Variants in SBF2 observed in about 807,000 individuals in gnomAD.
The protein encoded by SBF2 is SET binding factor 2, also known as myotubularin-related protein 13.
Under a neutral mutation model 225.2 loss-of-function variants are expected in SBF2, and 112 were observed. The ratio of observed to expected loss-of-function variants is 0.50; its 90% CI spans 0.43 to 0.58. The LOEUF is 0.58. Ranked by LOEUF, SBF2 falls within the 20% of genes least tolerant of loss-of-function variation. The pLI, the probability that SBF2 is intolerant of heterozygous loss-of-function variation, is 0.00. For synonymous variants in SBF2, 763 were observed against 773.3 expected, an observed-to-expected ratio of 0.99 and a Z score of 0.22; for missense variants, 1,996 against 2,206.2, an observed-to-expected ratio of 0.90 and a Z score of 1.91.
At chr11:9,805,106 T>A (rs143762924) in intron 32 of SBF2, among the ~76,000 whole-genome samples, 218 of 152,044 alleles carry the variant, frequency 1.4e-3, no homozygotes, top group African/African-American at 4.8e-3. Flanking sequence ...ATTAACCAGC[T>A]GTGGTGGTGT....
intron 2 of SBF2, among the ~76,000 whole-genome samples, chr11:10,133,257 G>A (rs535564796): frequency 4.6e-5 from 6 of 129,640 alleles, no homozygotes; most frequent in Non-Finnish European, 1.0e-4. Flanking sequence ...TGGATCCCGC[G>A]TAGGGGCTGC....
At chr11:10,244,580 C>G (rs574402886) in intron 1 of SBF2, among the ~76,000 whole-genome samples, 2 of 152,320 alleles carry the variant, frequency 1.3e-5, no homozygotes, top group East Asian at 3.9e-4. Context: ...TTGCTCAAAA[C>G]TGCTTTGGGT....
Position 10,041,912 on chromosome 11 carries a change from AACC to A in SBF2, c.279+929_279+931del, listed in dbSNP as rs1383032595. 1.5e-4 allele frequency among the ~76,000 whole-genome samples: 23 copies of A among 150,774 alleles called. No homozygotes were observed. The East Asian group carries it at 4.2e-3, about 28-fold the overall frequency. On this transcript the variant is annotated intron_variant, in intron 3 of 39. Coordinates refer to ENST00000256190, the MANE Select transcript of SBF2 (RefSeq NM_030962.4). ...TTGTATTATAGAGCCTGGAAAGAAA[AACC>A]ACCACCACCAGCACCAACAAAAAAA... is the stretch of plus-strand genomic sequence containing the variant.
Position 9,812,515 on chromosome 11 carries a change from G to C in SBF2, c.4155+17C>G. On this transcript the variant is annotated intron_variant, in intron 30 of 39. Transcript: ENST00000256190. ...GTTTCTTTGAGTTATAAAGAAAGAA[G>C]CTGCTTCAGACATTACCTGTGGGAA... The C allele has an allele frequency of 6.2e-7, 1 of 1,613,904 alleles. No homozygotes were observed.
At chr11:10,119,664 T>C (rs564558849) in intron 2 of SBF2, among the ~76,000 whole-genome samples, 1 of 152,284 alleles carries the variant, frequency 6.6e-6, no homozygotes, top group African/African-American at 2.4e-5. Context: ...TAATAAATAA[T>C]TGCTTAGTAA....
chr11:9,910,667 T>A (rs1366533386), intron 16 of SBF2, among the ~76,000 whole-genome samples: 1 of 150,746 alleles, frequency 6.6e-6, no homozygotes, highest in African/African-American at 2.4e-5. Context: ...ATGTGTGGAT[T>A]TGTGTCTTCA....
Position 9,968,503 on chromosome 11 carries a change from G to T in SBF2, c.1438C>A (p.Pro480Thr). The change falls in exon 14 of 40, where the codon CCA becomes ACA. Residue 480 changes from proline (P) to threonine (T), a missense_variant. Pro to Thr is a conservative substitution (Grantham distance 38, BLOSUM62 -1). Coordinates refer to ENST00000256190, the MANE Select transcript of SBF2 (RefSeq NM_030962.4). ...PHMAFQKVPR[P>T]TEGSHLRVHI... ...ACTCGCAAATGGGATCCTTCTGTTG[G>T]CCGTGGAACTTTCTGGAATGCCATA... 1 of 1,614,074 alleles carries T rather than the reference G, an allele frequency of 6.2e-7. No homozygotes were observed. The highest frequency in any genetic ancestry group is 8.5e-7 in the Non-Finnish European group (1 of 1,179,986).
intron 2 of SBF2, among the ~76,000 whole-genome samples, chr11:10,136,714 A>G (rs1225172006): frequency 6.6e-6 from 1 of 152,250 alleles, no homozygotes; most frequent in Non-Finnish European, 1.5e-5. Flanking sequence ...AAACTGAGTT[A>G]AACTATAGGA....
chr11:10,287,848 C>T (rs961959608), intron 1 of SBF2, among the ~76,000 whole-genome samples: 1 of 152,212 alleles, frequency 6.6e-6, no homozygotes, highest in African/African-American at 2.4e-5. Flanking sequence ...GGATCCCATG[C>T]CTCCAAGAAA....
intron 2 of SBF2, among the ~76,000 whole-genome samples, chr11:10,060,343 C>T (rs552398120): frequency 2.7e-4 from 41 of 152,300 alleles, no homozygotes; most frequent in African/African-American, 9.6e-4. Context: ...GAAACTGAAT[C>T]TCTGAACAGA....
At position 10,303,566 on chromosome 11, in the gene SBF2, A is replaced by C. The variant is rs577290400; in HGVS notation, n.386+926T>G. 1 of 152,438 alleles carries C rather than the reference A, an allele frequency of 6.6e-6. No homozygotes were observed. The highest frequency in any genetic ancestry group is 1.9e-4 in the East Asian group (1 of 5,174). 9.4% of individuals were successfully genotyped at this position (152,438 alleles called of 1,614,324 possible). On this transcript the variant is annotated intron_variant and non_coding_transcript_variant, in intron 1 of 5. Transcript: ENST00000685217. The surrounding 1 kb of genome is among the most constrained non-coding windows in gnomAD (Gnocchi z 5.2). ...AGAGCCATATGGCAGAGTAGGAAGG[A>C]AGCTTAAAGGTCTGCTGGGGACCGG... is the stretch of plus-strand genomic sequence containing the variant.
intron 2 of SBF2, among the ~76,000 whole-genome samples, chr11:10,056,177 T>G (rs1281208202): frequency 6.6e-6 from 1 of 152,236 alleles, no homozygotes; most frequent in Non-Finnish European, 1.5e-5. Context: ...GGTAACATGA[T>G]TTTTCCAGCT....
At chr11:10,273,579 T>C (rs1962714197) in intron 1 of SBF2, among the ~76,000 whole-genome samples, 1 of 152,206 alleles carries the variant, frequency 6.6e-6, no homozygotes, top group South Asian at 2.1e-4. Flanking sequence ...CATCAAAGTT[T>C]TGTCAATGCT....
At chr11:10,206,145 G>T (rs931290689) in intron 1 of SBF2, among the ~76,000 whole-genome samples, 1 of 151,220 alleles carries the variant, frequency 6.6e-6, no homozygotes, top group African/African-American at 2.4e-5. Flanking sequence ...CTTTGTCCCT[G>T]TAGCCTGAGA....
intron 1 of SBF2, among the ~76,000 whole-genome samples, chr11:10,211,313 A>G (rs1591223014): frequency 6.6e-6 from 1 of 152,300 alleles, no homozygotes; most frequent in African/African-American, 2.4e-5. Context: ...GTTTTTATAG[A>G]TTGTTGAGTC....
intron 1 of SBF2, among the ~76,000 whole-genome samples, chr11:10,230,589 T>G (rs1452158836): frequency 6.6e-6 from 1 of 152,220 alleles, no homozygotes; most frequent in African/African-American, 2.4e-5. Flanking sequence ...TGGCTGGATA[T>G]GAAATTCTGG....
chr11:10,199,134 ACTT>A (rs1185946949), intron 1 of SBF2, among the ~76,000 whole-genome samples: 29 of 152,176 alleles, frequency 1.9e-4, no homozygotes, highest in African/African-American at 5.1e-4. Flanking sequence ...TCTTCCTTTC[ACTT>A]GACCACTTAA....
At chr11:9,893,284 A>G (rs890915005) in intron 17 of SBF2, among the ~76,000 whole-genome samples, 3 of 152,326 alleles carry the variant, frequency 2.0e-5, no homozygotes, top group Middle Eastern at 3.4e-3. Context: ...TCCAAAGGGT[A>G]AAGATTTAGA....
chr11:10,007,194 T>C (rs1038185737), intron 6 of SBF2, among the ~76,000 whole-genome samples: 2 of 152,214 alleles, frequency 1.3e-5, no homozygotes, highest in African/African-American at 4.8e-5. Context: ...GATCAGCTCA[T>C]TCCAGAACCC....
Sources: gnomAD v4.1 joint callset for allele counts (sites outside exome capture counted in the v4.1 genomes callset) on GRCh38, gnomAD v4.1.1 for gene constraint, Gnocchi (gnomAD v3.1) non-coding constraint, MANE v1.5 for transcripts, NCBI Gene and HGNC (gene_info 2026-07-23, HGNC 2026-07-21) for gene names.